TRPC4: variants seen among roughly 807,000 people sequenced by gnomAD.
TRPC4 encodes short transient receptor potential channel 4.
Under a neutral mutation model 99.4 loss-of-function variants are expected in TRPC4, and 49 were observed. The observed-to-expected ratio is 0.49, with a 90% CI of 0.39 to 0.63. The LOEUF (loss-of-function observed/expected upper bound fraction) is 0.63, where lower values mean the gene tolerates loss of function less well. Ranked by LOEUF, TRPC4 falls within the 20% of genes least tolerant of loss-of-function variation. The pLI, the probability that TRPC4 is intolerant of heterozygous loss-of-function variation, is 0.00. For synonymous variants in TRPC4, 454 were observed against 425.9 expected (o/e 1.07, Z -0.81); for missense variants, 898 against 1,152.9 (o/e 0.78, Z 3.20).
chr13:37,855,266 G>A (rs879219484), intron 1 of TRPC4, among the ~76,000 whole-genome samples: 1 of 147,798 alleles, frequency 6.8e-6, no homozygotes, highest in African/African-American at 2.5e-5. Flanking sequence ...TAATATCAAA[G>A]GAGTCAATCC....
chr13:37,643,868 A>T (rs574485798), intron 8 of TRPC4, among the ~76,000 whole-genome samples: 2 of 152,130 alleles, frequency 1.3e-5, no homozygotes, highest in African/African-American at 4.8e-5. Flanking sequence ...TAATTCTTGG[A>T]GTTCTTTGGC....
chr13:37,818,613 A>C (rs1353559193), intron 1 of TRPC4, among the ~76,000 whole-genome samples: 1 of 152,164 alleles, frequency 6.6e-6, no homozygotes, highest in Non-Finnish European at 1.5e-5. Flanking sequence ...ATGGAATACT[A>C]TGCAGCCATA....
chr13:37,676,468 G>A (rs1221769893), intron 4 of TRPC4, among the ~76,000 whole-genome samples: 1 of 151,484 alleles, frequency 6.6e-6, no homozygotes, highest in Admixed American at 6.6e-5. Context: ...CGCCTCCTGG[G>A]TTAAAGCGAT....
At chr13:37,639,204 G>C in intron 9 of TRPC4, 54 bp downstream of exon 9, 1 of 1,611,936 alleles carries the variant, frequency 6.2e-7, no homozygotes, top group South Asian at 1.1e-5. Context: ...TCTGAAGGGG[G>C]GACTGCATTT....
intron 1 of TRPC4, among the ~76,000 whole-genome samples, chr13:37,868,103 A>G (rs1322423781): frequency 6.6e-6 from 1 of 152,196 alleles, no homozygotes; most frequent in Non-Finnish European, 1.5e-5. Context: ...TAAAATTCAA[A>G]GAGAACTTTA....
Position 37,660,670 on chromosome 13 carries a change from A to G in TRPC4, c.1688+2746T>C, listed in dbSNP as rs141042831. Reference sequence around the variant, plus strand: ...AATCATGAAGATAATAAGAGTAGCTACCATTTTTGATGACATTCTATGACA... The same window carrying G: ...AATCATGAAGATAATAAGAGTAGCTGCCATTTTTGATGACATTCTATGACA... On this transcript the variant is annotated intron_variant, in intron 6 of 10. Coordinates refer to ENST00000379705, the MANE Select transcript of TRPC4 (RefSeq NM_016179.4). Among the ~76,000 whole-genome samples the G allele has an allele frequency of 1.7e-3, 262 of 152,322 alleles. 1 individual carries two copies. The highest frequency in any genetic ancestry group is 6.8e-3 in the Middle Eastern group (2 of 294).
chr13:37,658,477 T>C (rs1162646527), intron 6 of TRPC4, among the ~76,000 whole-genome samples: 1 of 152,180 alleles, frequency 6.6e-6, no homozygotes. Context: ...ACTAAAACAA[T>C]GAGCAAACAT....
chr13:37,698,181 G>GTTTTTTTTTTTTTTTTT (rs1953985692), intron 3 of TRPC4, among the ~76,000 whole-genome samples: 1 of 3,900 alleles, frequency 2.6e-4, no homozygotes, highest in African/African-American at 1.0e-3. Context: ...TTTTTTTTGA[G>GTTTTTTTTTTTTTTTTT]TGGGAATCTC....
intron 2 of TRPC4, among the ~76,000 whole-genome samples, chr13:37,753,591 GAGAGAGAGAGAGAGAGAA>G (rs1163558325): frequency 4.3e-5 from 6 of 137,990 alleles, no homozygotes; most frequent in South Asian, 2.5e-4. Flanking sequence ...GAGAGAGAGA[GAGAGAGAGAGAGAGAGAA>G]AGAAAGAAAG....
intron 3 of TRPC4, among the ~76,000 whole-genome samples, chr13:37,705,163 G>A (rs1342637568): frequency 6.6e-6 from 1 of 152,066 alleles, no homozygotes; most frequent in Non-Finnish European, 1.5e-5. Context: ...TGGATGAAAC[G>A]GAAGGGCATT....
At chr13:37,775,377 G>T (rs915541765) in intron 2 of TRPC4, among the ~76,000 whole-genome samples, 1 of 149,462 alleles carries the variant, frequency 6.7e-6, no homozygotes, top group African/African-American at 2.5e-5. Context: ...CTTTTGTTTA[G>T]ATTTTTTTGC....
At chr13:37,752,083 A>ATGTG (rs1451598327) in intron 2 of TRPC4, among the ~76,000 whole-genome samples, 5 of 110,930 alleles carry the variant, frequency 4.5e-5, no homozygotes, top group Non-Finnish European at 6.2e-5. Flanking sequence ...AACTATATAT[A>ATGTG]TATATATATA....
chr13:37,657,713 G>C (rs1952283757), intron 6 of TRPC4, among the ~76,000 whole-genome samples: 1 of 151,964 alleles, frequency 6.6e-6, no homozygotes, highest in Non-Finnish European at 1.5e-5. Context: ...TTATTATTTT[G>C]AATAGTACAC....
chr13:37,685,462 A>C (rs1222728042), intron 4 of TRPC4, among the ~76,000 whole-genome samples: 3 of 152,178 alleles, frequency 2.0e-5, no homozygotes, highest in Non-Finnish European at 2.9e-5. Context: ...GATTAAGTGG[A>C]ACAGAGTTAC....
chr13:37,795,428 CTT>C (rs1957220657), intron 1 of TRPC4, among the ~76,000 whole-genome samples: 1 of 152,134 alleles, frequency 6.6e-6, no homozygotes, highest in South Asian at 2.1e-4. Context: ...ATGGTAGACA[CTT>C]TGTGGCAAGG....
At chr13:37,795,245 A>G (rs2139405271) in intron 1 of TRPC4, among the ~76,000 whole-genome samples, 1 of 152,330 alleles carries the variant, frequency 6.6e-6, no homozygotes, top group East Asian at 1.9e-4. Context: ...GTGTTGGATC[A>G]GGATGATTTT....
chr13:37,697,358 A>G (rs1430184282), intron 3 of TRPC4, among the ~76,000 whole-genome samples: 1 of 152,228 alleles, frequency 6.6e-6, no homozygotes, highest in Admixed American at 6.5e-5. Flanking sequence ...TATGTCCGAC[A>G]TGAAATAAAC....
At chr13:37,771,763 C>T (rs936613104) in intron 2 of TRPC4, among the ~76,000 whole-genome samples, 38 of 151,740 alleles carry the variant, frequency 2.5e-4, no homozygotes, top group African/African-American at 9.2e-4. Flanking sequence ...ATTAGGAAAT[C>T]TGTTGGGTAT....
At chr13:37,827,852 C>G (rs529456356) in intron 1 of TRPC4, among the ~76,000 whole-genome samples, 2 of 152,210 alleles carry the variant, frequency 1.3e-5, no homozygotes, top group African/African-American at 4.8e-5. Flanking sequence ...TGGGCAATGG[C>G]GGGTGCCCCT....
Sources: gnomAD v4.1 joint callset for allele counts (sites outside exome capture counted in the v4.1 genomes callset) on GRCh38, gnomAD v4.1.1 for gene constraint, MANE v1.5 for transcripts, NCBI Gene and HGNC (gene_info 2026-07-23, HGNC 2026-07-21) for gene names.